ITGA1: variants seen among roughly 807,000 people sequenced by gnomAD.
The protein encoded by ITGA1 is integrin subunit alpha 1.
ITGA1 carries 85 observed loss-of-function variants against 145.9 expected under a neutral mutation model. That is an observed-to-expected ratio of 0.58 (90% CI 0.49 to 0.70). ITGA1 has a LOEUF of 0.70. Among genes scored for constraint, ITGA1 ranks in the 30% least tolerant of loss-of-function variants. ITGA1 has a pLI of 0.00. For missense variants in ITGA1, 1,351 were observed against 1,418.7 expected (o/e 0.95, Z 0.77); for synonymous variants, 520 against 495.3 (o/e 1.05, Z -0.66).
At chr5:52,802,531 T>A (rs770376356) in intron 1 of ITGA1, 7 of 152,198 alleles carry the variant, frequency 4.6e-5, no homozygotes, top group Non-Finnish European at 1.0e-4. Flanking sequence ...AACTTTGATC[T>A]GCTAGGGATT....
chr5:52,808,449 C>T (rs536569955), intron 1 of ITGA1, among the ~76,000 whole-genome samples: 7 of 152,258 alleles, frequency 4.6e-5, no homozygotes, highest in South Asian at 2.1e-4. Context: ...TTCAAGTCTA[C>T]GTTCCAGAAG....
chr5:52,802,021 A>T, intron 1 of ITGA1: 1 of 538,378 alleles, frequency 1.9e-6, no homozygotes, highest in East Asian at 3.0e-5. Flanking sequence ...ACAATAAACT[A>T]AAAGGAAATA....
chr5:52,926,582 CAGAG>C (rs547671295), intron 19 of ITGA1, among the ~76,000 whole-genome samples: 18 of 152,014 alleles, frequency 1.2e-4, no homozygotes, highest in Admixed American at 9.8e-4. Context: ...AGCCTGGTGA[CAGAG>C]GGAGAACAAG....
intron 9 of ITGA1, among the ~76,000 whole-genome samples, chr5:52,895,334 C>T (rs946652814): frequency 6.6e-6 from 1 of 152,076 alleles, no homozygotes; most frequent in Non-Finnish European, 1.5e-5. Flanking sequence ...CTGTCTTGTG[C>T]TCTGTGTACA....
rs33977926 is a variant in ITGA1, at chr5:52,832,765, CTGTGTGTGTGTGTG to C, written c.62-16566_62-16553del. Among the ~76,000 whole-genome samples, 7 of 86,774 alleles carry C rather than the reference CTGTGTGTGTGTGTG, an allele frequency of 8.1e-5. No homozygotes were observed. In the East Asian group the frequency reaches 1.2e-3, roughly 15 times the overall value. 56.9% of individuals were successfully genotyped at this position (86,774 alleles called of 152,430 possible). On this transcript the variant is annotated intron_variant, in intron 1 of 28. Transcript: ENST00000282588. ...TTTATTCTGGCAGAAATATATAAAT[CTGTGTGTGTGTGTG>C]TGTGTGTGTGTGTGTGTGTGTGTGT...
At chr5:52,805,634 A>G (rs1179707121) in intron 1 of ITGA1, among the ~76,000 whole-genome samples, 1 of 152,174 alleles carries the variant, frequency 6.6e-6, no homozygotes, top group Non-Finnish European at 1.5e-5. Context: ...TGTTTTATGC[A>G]GTGGTGGTTA....
intron 12 of ITGA1, among the ~76,000 whole-genome samples, chr5:52,906,145 A>G (rs1015936460): frequency 3.3e-5 from 5 of 152,212 alleles, no homozygotes; most frequent in Admixed American, 6.5e-5. Flanking sequence ...AAATATATAC[A>G]CAAGAAAAGA....
At chr5:52,817,850 C>G (rs1424516191) in intron 1 of ITGA1, among the ~76,000 whole-genome samples, 3 of 152,114 alleles carry the variant, frequency 2.0e-5, no homozygotes, top group Non-Finnish European at 4.4e-5. Context: ...AGAGCATGAG[C>G]AGACAACCTA....
chr5:52,882,226 T>C (rs1323022509), intron 7 of ITGA1, among the ~76,000 whole-genome samples: 1 of 152,202 alleles, frequency 6.6e-6, no homozygotes, highest in East Asian at 1.9e-4. Flanking sequence ...CTTCTCTTGT[T>C]ACAAGGGTTT....
intron 1 of ITGA1, among the ~76,000 whole-genome samples, chr5:52,839,459 T>C (rs1252084801): frequency 6.6e-6 from 1 of 152,180 alleles, no homozygotes. Flanking sequence ...TATTTGAACA[T>C]TAGGTAACTG....
At chr5:52,945,425 C>G (rs1428981815) in intron 27 of ITGA1, among the ~76,000 whole-genome samples, 2 of 152,024 alleles carry the variant, frequency 1.3e-5, no homozygotes, top group Non-Finnish European at 2.9e-5. Flanking sequence ...ATAAAAAGTG[C>G]CTTTATACTG....
intron 18 of ITGA1, 114 bp downstream of exon 18, chr5:52,923,001 G>A: frequency 1.6e-6 from 1 of 619,052 alleles, no homozygotes; most frequent in Middle Eastern, 2.9e-4. Flanking sequence ...ACAACTAACT[G>A]GAAGAAAGAA....
chr5:52,875,203 T>C (rs562705148), intron 6 of ITGA1, among the ~76,000 whole-genome samples: 64 of 152,256 alleles, frequency 4.2e-4, no homozygotes, highest in Non-Finnish European at 7.5e-4. Context: ...TTTATTTTAC[T>C]CATTGTTTTC....
chr5:52,826,056 A>G (rs191524897), intron 1 of ITGA1, among the ~76,000 whole-genome samples: 3 of 152,348 alleles, frequency 2.0e-5, no homozygotes, highest in Admixed American at 2.0e-4. Flanking sequence ...AGGAAAGCAT[A>G]TTGAAAGCCA....
At chr5:52,850,189 A>T (rs748874083) in intron 2 of ITGA1, among the ~76,000 whole-genome samples, 25 of 151,934 alleles carry the variant, frequency 1.6e-4, no homozygotes, top group Non-Finnish European at 3.7e-4. Flanking sequence ...TCTAGTAGAG[A>T]CACGGTTTCA....
At chr5:52,913,938 G>A (rs1164636735) in intron 14 of ITGA1, among the ~76,000 whole-genome samples, 2 of 152,140 alleles carry the variant, frequency 1.3e-5, no homozygotes, top group African/African-American at 4.8e-5. Context: ...CAAGAGACAG[G>A]CAATATTAAT....
At chr5:52,798,868 C>T (rs1008493040) in intron 1 of ITGA1, among the ~76,000 whole-genome samples, 13 of 152,166 alleles carry the variant, frequency 8.5e-5, no homozygotes, top group African/African-American at 2.6e-4. Context: ...AAAATATGAG[C>T]GAGGTGTGTA....
chr5:52,939,782 T>C, intron 25 of ITGA1, 58 bp from the exon 26 acceptor site: 2 of 1,388,238 alleles, frequency 1.4e-6, no homozygotes, highest in South Asian at 1.2e-5. Context: ...AGAATTTAAA[T>C]ATAGATATTT....
chr5:52,866,583 G>T (rs957088192), intron 6 of ITGA1, among the ~76,000 whole-genome samples: 1 of 152,092 alleles, frequency 6.6e-6, no homozygotes, highest in Non-Finnish European at 1.5e-5. Flanking sequence ...AAAGCCTGTT[G>T]TCCTTTCTGT....
Sources: gnomAD v4.1 joint callset for allele counts (sites outside exome capture counted in the v4.1 genomes callset) on GRCh38, gnomAD v4.1.1 for gene constraint, MANE v1.5 for transcripts, NCBI Gene and HGNC (gene_info 2026-07-23, HGNC 2026-07-21) for gene names.